Variants in AK4 observed in about 807,000 individuals in gnomAD.
AK4 encodes adenylate kinase 4, mitochondrial.
Under a neutral mutation model 24.6 loss-of-function variants are expected in AK4, and 13 were observed. That is an observed-to-expected ratio of 0.53 (90% CI 0.34 to 0.84). The LOEUF is 0.84. AK4 is among the 40% of genes least tolerant of loss of function. The pLI is 0.01. For missense variants in AK4, 192 were observed against 288.2 expected, an observed-to-expected ratio of 0.67 and a Z score of 2.42; for synonymous variants, 88 against 107.0, an observed-to-expected ratio of 0.82 and a Z score of 1.10.
At chr1:65,222,019 C>G (rs1652312740) in intron 3 of AK4, among the ~76,000 whole-genome samples, 1 of 152,162 alleles carries the variant, frequency 6.6e-6, no homozygotes, top group South Asian at 2.1e-4. Context: ...AAACAGCCCT[C>G]TCTACAGAGA....
rs553334176 is a variant in AK4, at chr1:65,229,412, T to G, written c.*3235T>G. The G allele has an allele frequency of 6.6e-6, 1 of 152,182 alleles. No homozygotes were observed. 9.4% of individuals were successfully genotyped at this position (152,182 alleles called of 1,614,324 possible). A position where few individuals can be genotyped will look rare whatever the true frequency, so the allele number is the denominator to read the frequency against. On this transcript the variant is annotated 3_prime_UTR_variant, in exon 5 of 5. Coordinates refer to ENST00000327299, the MANE Select transcript of AK4 (RefSeq NM_013410.4). ...AGCCAGTCATGGTGGTGTACACTTA[T>G]GGTCCTAGTTACTCAGGAGACTTAG...
intron 2 of AK4, among the ~76,000 whole-genome samples, chr1:65,204,349 A>T (rs1451896087): frequency 2.0e-5 from 3 of 151,890 alleles, no homozygotes; most frequent in Non-Finnish European, 4.4e-5. Flanking sequence ...ACAGGCACGC[A>T]CCACCGTGAC....
At chr1:65,173,160 G>A (rs1238724795) in intron 1 of AK4, among the ~76,000 whole-genome samples, 2 of 151,984 alleles carry the variant, frequency 1.3e-5, no homozygotes, top group Non-Finnish European at 2.9e-5. Flanking sequence ...CACTGCGCCC[G>A]GCCTAGCAAG....
chr1:65,172,103 A>ATATATATATATATATTTTTT, intron 1 of AK4, among the ~76,000 whole-genome samples: 1 of 115,510 alleles, frequency 8.7e-6, no homozygotes, highest in East Asian at 3.0e-4. Flanking sequence ...ATATATATAT[A>ATATATATATATATATTTTTT]TTTAAACTCA....
chr1:65,192,152 T>C (rs758066671), intron 2 of AK4, among the ~76,000 whole-genome samples: 5 of 152,220 alleles, frequency 3.3e-5, no homozygotes, highest in Non-Finnish European at 7.3e-5. Context: ...TACTTTGGAC[T>C]GGGCAATTTA....
chr1:65,222,603 T>C (rs1652331336), intron 3 of AK4, among the ~76,000 whole-genome samples: 1 of 152,208 alleles, frequency 6.6e-6, no homozygotes, highest in Non-Finnish European at 1.5e-5. Context: ...GCCTTGTGGC[T>C]GTAAGTAAAA....
At chr1:65,175,476 A>AG (rs562239917) in intron 1 of AK4, among the ~76,000 whole-genome samples, 3 of 152,206 alleles carry the variant, frequency 2.0e-5, no homozygotes, top group Non-Finnish European at 4.4e-5. Flanking sequence ...CTGTTCAGAG[A>AG]GGCAGCCAAC....
At chr1:65,214,538 G>A (rs561721403) in intron 2 of AK4, among the ~76,000 whole-genome samples, 44 of 152,246 alleles carry the variant, frequency 2.9e-4, no homozygotes, top group African/African-American at 1.0e-3. Flanking sequence ...ATCCAGGTGC[G>A]TCTGATTACA....
intron 1 of AK4, among the ~76,000 whole-genome samples, chr1:65,175,207 C>T (rs1024309586): frequency 6.6e-6 from 1 of 152,148 alleles, no homozygotes; most frequent in Non-Finnish European, 1.5e-5. Context: ...CAGTGGACTG[C>T]TTGTCCTTGC....
chr1:65,218,970 C>T (rs766889299), intron 3 of AK4, 44 bp downstream of exon 3: 7 of 1,435,220 alleles, frequency 4.9e-6, no homozygotes, highest in Non-Finnish European at 6.6e-6. Flanking sequence ...AAGAAAAAGA[C>T]AAACAATTTC....
At chr1:65,196,999 A>G (rs1651491777) in intron 2 of AK4, among the ~76,000 whole-genome samples, 1 of 152,132 alleles carries the variant, frequency 6.6e-6, no homozygotes, top group African/African-American at 2.4e-5. Flanking sequence ...CCATTTTTAA[A>G]ACTATCAGAT....
At chr1:65,151,185 G>A (rs1649760077) in intron 1 of AK4, among the ~76,000 whole-genome samples, 1 of 151,970 alleles carries the variant, frequency 6.6e-6, no homozygotes, top group African/African-American at 2.4e-5. Flanking sequence ...CAGGCTGGTC[G>A]CGAACTCGGG....
At position 65,186,574 on chromosome 1, in the gene AK4, C is replaced by A. The variant is rs75446590; in HGVS notation, c.146-4136C>A. Among the ~76,000 whole-genome samples the A allele has an allele frequency of 9.9e-5, 15 of 152,264 alleles. No individual in the cohort carries two copies. The East Asian group carries it at 1.7e-3, about 18-fold the overall frequency. ...GGGGCAGAAAGTGAATGAACAAATA[C>A]CTCAATATATAATTAGATCTGGAGT... On this transcript the variant is annotated intron_variant, in intron 1 of 4. Coordinates refer to ENST00000327299, the MANE Select transcript of AK4 (RefSeq NM_013410.4).
At chr1:65,185,533 T>C (rs1385845120) in intron 1 of AK4, among the ~76,000 whole-genome samples, 1 of 152,146 alleles carries the variant, frequency 6.6e-6, no homozygotes, top group Non-Finnish European at 1.5e-5. Flanking sequence ...GTTTCCTTCT[T>C]CTCATTTCCC....
chr1:65,229,165 G>T lies in AK4; in HGVS notation c.*2988G>T, dbSNP rs1652559669. The T allele has an allele frequency of 6.6e-6, 1 of 152,126 alleles. No homozygotes were observed. Among genetic ancestry groups the T allele is most frequent in the Non-Finnish European group, 1.5e-5 (1 of 68,046 alleles). The allele number at this position is 152,126 out of a possible 1,614,324, so 9.4% of individuals were successfully genotyped here. A position where few individuals can be genotyped will look rare whatever the true frequency, so the allele number is the denominator to read the frequency against. The stretch of plus-strand genomic sequence containing the variant: ...AGGTTTTCCTGACTCAGAAGACTGA[G>T]CTTTTTCCTGGATGTTATTAATAGC... On this transcript the variant is annotated 3_prime_UTR_variant, in exon 5 of 5. Transcript: ENST00000327299.
At chr1:65,183,356 T>C (rs1650973200) in intron 1 of AK4, among the ~76,000 whole-genome samples, 1 of 152,168 alleles carries the variant, frequency 6.6e-6, no homozygotes, top group Non-Finnish European at 1.5e-5. Context: ...GTTCAAGTGA[T>C]TCTCATGCCT....
At position 65,218,932 on chromosome 1, in the gene AK4, A is replaced by G; in HGVS notation, c.438+6A>G. 1 of 1,555,074 alleles carries G rather than the reference A, an allele frequency of 6.4e-7. No individual in the cohort carries two copies. The highest frequency in any genetic ancestry group is 8.7e-7 in the Non-Finnish European group (1 of 1,154,854). The stretch of plus-strand genomic sequence containing the variant: ...TCAATCCACCTCATGTACATGTAAG[A>G]ATATACAAAGTGCTTTCACAACCTG... On this transcript the variant is annotated splice_donor_region_variant and intron_variant, in intron 3 of 4. Transcript: ENST00000327299.
In AK4 at chr1:65,218,946, T is replaced by C. The variant is rs1422060260; in HGVS notation, c.438+20T>C. 4 of 1,520,548 alleles carry C rather than the reference T, an allele frequency of 2.6e-6. No individual in the cohort carries two copies. Among genetic ancestry groups the C allele is most frequent in the Non-Finnish European group, 3.5e-6 (4 of 1,129,432 alleles). 94.2% of individuals were successfully genotyped at this position (1,520,548 alleles called of 1,614,324 possible). A position where few individuals can be genotyped will look rare whatever the true frequency, so the allele number is the denominator to read the frequency against. Reference sequence around the variant, plus strand: ...GTACATGTAAGAATATACAAAGTGCTTTCACAACCTGACAAGAAAAAGACA... The same window carrying C: ...GTACATGTAAGAATATACAAAGTGCCTTCACAACCTGACAAGAAAAAGACA... On this transcript the variant is annotated intron_variant, in intron 3 of 4. Transcript: ENST00000327299.
chr1:65,185,047 GTAC>G (rs1651050653), intron 1 of AK4, among the ~76,000 whole-genome samples: 1 of 152,138 alleles, frequency 6.6e-6, no homozygotes, highest in Non-Finnish European at 1.5e-5. Flanking sequence ...ACTTGGGGTC[GTAC>G]TGCTTGTGTT....
Sources: allele counts gnomAD v4.1 joint callset (sites outside exome capture counted in the v4.1 genomes callset), GRCh38; gene constraint gnomAD v4.1.1; transcripts MANE v1.5; gene names NCBI Gene and HGNC (gene_info 2026-07-23, HGNC 2026-07-21).